Variants in DNAI3 observed in about 807,000 individuals in gnomAD.
DNAI3 encodes dynein axonemal intermediate chain 3, also known as WD repeat domain 63.
In DNAI3, 83 loss-of-function variants were observed where a neutral mutation model predicts 115.5. That is an observed-to-expected ratio of 0.72 (90% CI 0.60 to 0.86). The LOEUF (loss-of-function observed/expected upper bound fraction) is 0.86, where lower values mean the gene tolerates loss of function less well. Ranked by LOEUF, DNAI3 falls within the 40% of genes least tolerant of loss-of-function variation. The probability of loss-of-function intolerance (pLI) is 0.00; values close to 1 mark genes in which losing one functional copy is unlikely to be tolerated. For synonymous variants in DNAI3, 320 were observed against 347.0 expected, an observed-to-expected ratio of 0.92 and a Z score of 0.86; for missense variants, 1,004 against 1,075.8, an observed-to-expected ratio of 0.93 and a Z score of 0.93.
At chr1:85,112,984 G>T (rs988712263) in intron 16 of DNAI3, among the ~76,000 whole-genome samples, 4 of 152,158 alleles carry the variant, frequency 2.6e-5, no homozygotes, top group Non-Finnish European at 4.4e-5. Flanking sequence ...GGCCAGGCTG[G>T]TCTCGAACTC....
chr1:85,070,573 A>T (rs1430178993), intron 1 of DNAI3, among the ~76,000 whole-genome samples: 3 of 152,150 alleles, frequency 2.0e-5, no homozygotes, highest in Admixed American at 6.5e-5. Flanking sequence ...TACAGTAGGA[A>T]AATTATAGTT....
chr1:85,085,338 A>C (rs1654766301), intron 6 of DNAI3, among the ~76,000 whole-genome samples: 1 of 152,186 alleles, frequency 6.6e-6, no homozygotes, highest in African/African-American at 2.4e-5. Flanking sequence ...TCCCTCTCAA[A>C]GGAACTCCTG....
At chr1:85,105,219 G>C (rs1380161329) in intron 14 of DNAI3, among the ~76,000 whole-genome samples, 1 of 152,128 alleles carries the variant, frequency 6.6e-6, no homozygotes, top group Non-Finnish European at 1.5e-5. Context: ...GCAGAAGAAG[G>C]CACAAGTGAT....
chr1:85,097,651 T>C lies in DNAI3; in HGVS notation c.1346T>C (p.Leu449Pro). The part of the protein sequence containing the change: ...AGGSRSKRAT[L>P]KPMFLLEPES... ...GGTAGTAGAAGTAAAAGAGCCACAC[T>C]GAAGGTAAGCTTTTTACAACATTTC... The change falls in exon 12 of 23, where the codon CTG (leucine) becomes CCG (proline). Residue 449 changes from leucine (L) to proline (P), a missense_variant. Physicochemically the swap from Leu to Pro is moderately conservative, Grantham distance 98. This residue lies in a region of DNAI3 where 550 missense variants were observed against 568.1 expected (regional missense o/e 0.97). Coordinates refer to ENST00000294664, the MANE Select transcript of DNAI3 (RefSeq NM_145172.5). The C allele has an allele frequency of 6.2e-7, 1 of 1,610,078 alleles. No individual in the cohort carries two copies. Among genetic ancestry groups the C allele is most frequent in the South Asian group, 1.1e-5 (1 of 90,034 alleles).
chr1:85,114,015 C>CTTTT (rs58178754), intron 16 of DNAI3, among the ~76,000 whole-genome samples: 1 of 117,670 alleles, frequency 8.5e-6, no homozygotes, highest in African/African-American at 3.2e-5. Context: ...CAATTTGTAT[C>CTTTT]TTTTTTTTTT....
chr1:85,108,801 C>T (rs1655571156), intron 15 of DNAI3, among the ~76,000 whole-genome samples: 1 of 152,050 alleles, frequency 6.6e-6, no homozygotes, highest in Non-Finnish European at 1.5e-5. Flanking sequence ...TATTTTGATG[C>T]CTCTTTAGAT....
intron 10 of DNAI3, among the ~76,000 whole-genome samples, chr1:85,094,851 T>C (rs768188021): frequency 1.4e-4 from 22 of 152,322 alleles, no homozygotes; most frequent in East Asian, 3.9e-4. Context: ...ATTGGTCAAA[T>C]GCAAATAGAT....
chr1:85,129,960 C>A (rs1403602486), intron 21 of DNAI3, 30 bp from the exon 22 acceptor site: 1 of 1,594,020 alleles, frequency 6.3e-7, no homozygotes, highest in South Asian at 1.2e-5. Flanking sequence ...TCCTGCCTGT[C>A]ACCCTCTCAT....
chr1:85,066,742 A>G (rs1046486346), intron 1 of DNAI3, among the ~76,000 whole-genome samples: 1 of 152,228 alleles, frequency 6.6e-6, no homozygotes, highest in African/African-American at 2.4e-5. Flanking sequence ...AAATTTTTTC[A>G]TAAGCTTTTA....
intron 3 of DNAI3, among the ~76,000 whole-genome samples, chr1:85,080,046 C>CTTTTTTT (rs35938324): frequency 2.3e-3 from 158 of 68,416 alleles, no homozygotes; most frequent in South Asian, 2.7e-3. Flanking sequence ...TTTTCTTTTT[C>CTTTTTTT]TTTTTTTTTT....
chr1:85,085,990 G>A lies in DNAI3; in HGVS notation c.700G>A (p.Val234Ile). The A allele has an allele frequency of 6.2e-7, 1 of 1,614,122 alleles. No individual in the cohort carries two copies. Among genetic ancestry groups the A allele is most frequent in the Non-Finnish European group, 8.5e-7 (1 of 1,180,008 alleles). Residue 234 changes from valine (V) to isoleucine (I), a missense_variant, in exon 7 of 23, where the codon GTA becomes ATA. Physicochemically the swap from Val to Ile is conservative, Grantham distance 29 (BLOSUM62 3). This residue lies in a region of DNAI3 where 550 missense variants were observed against 568.1 expected (regional missense o/e 0.97). Coordinates refer to ENST00000294664, the MANE Select transcript of DNAI3 (RefSeq NM_145172.5). ...KQLEKDVGMQ[V>I]IPQIKDISTQ... is the part of the protein sequence containing the mutation. Reference sequence around the variant, plus strand: ...ACTTGAAAAAGATGTTGGCATGCAAGTAATCCCCCAAATAAAGGACATAAG... The same window carrying A: ...ACTTGAAAAAGATGTTGGCATGCAAATAATCCCCCAAATAAAGGACATAAG...
At chr1:85,114,418 T>C (rs1379973269) in intron 16 of DNAI3, among the ~76,000 whole-genome samples, 1 of 152,248 alleles carries the variant, frequency 6.6e-6, no homozygotes, top group Non-Finnish European at 1.5e-5. Context: ...ATATAGATAA[T>C]AATGTCATTT....
chr1:85,093,549 A>G lies in DNAI3; in HGVS notation c.949A>G (p.Lys317Glu), dbSNP rs1450461983. 1 of 1,614,216 alleles carries G rather than the reference A, an allele frequency of 6.2e-7. No homozygotes were observed. Among genetic ancestry groups the G allele is most frequent in the Admixed American group, 1.7e-5 (1 of 60,024 alleles). The change falls in exon 9 of 23, where the codon AAG (lysine) becomes GAG (glutamate). Residue 317 changes from lysine to glutamate, a missense_variant. Around this residue, in one of 3 missense-constraint regions of DNAI3, gnomAD observed 550 missense variants for 568.1 expected, o/e 0.97. Transcript: ENST00000294664. ...AGAAGAAGAAGGCACCTTTGGGGAC[A>G]AGACCGATACCCACCTGAAAGAGTA... is the stretch of plus-strand genomic sequence containing the variant. ...LAEEEGTFGD[K>E]TDTHLKEYQS... is the part of the protein sequence containing the mutation.
chr1:85,118,304 A>G (rs919872938), intron 17 of DNAI3, among the ~76,000 whole-genome samples: 3 of 152,238 alleles, frequency 2.0e-5, no homozygotes, highest in Non-Finnish European at 4.4e-5. Flanking sequence ...GACATACTGT[A>G]ATAATAACCA....
At chr1:85,109,894 A>G (rs531376685) in intron 15 of DNAI3, among the ~76,000 whole-genome samples, 154 bp from the exon 16 acceptor site, 2 of 152,226 alleles carry the variant, frequency 1.3e-5, no homozygotes, top group South Asian at 4.2e-4. Flanking sequence ...CATGGAGGAA[A>G]GAAACTAGAA....
intron 16 of DNAI3, among the ~76,000 whole-genome samples, chr1:85,113,514 A>G (rs893223880): frequency 6.6e-6 from 1 of 152,206 alleles, no homozygotes; most frequent in East Asian, 1.9e-4. Flanking sequence ...ACACTTGTCC[A>G]TATATATGTG....
intron 13 of DNAI3, among the ~76,000 whole-genome samples, 153 bp downstream of exon 13, chr1:85,098,811 C>T (rs1156233260): frequency 6.6e-6 from 1 of 152,244 alleles, no homozygotes; most frequent in Non-Finnish European, 1.5e-5. Flanking sequence ...TGTTGCCAGA[C>T]CAGTATCTGA....
intron 6 of DNAI3, among the ~76,000 whole-genome samples, chr1:85,085,254 A>G (rs1464612621): frequency 2.6e-5 from 4 of 152,236 alleles, no homozygotes; most frequent in African/African-American, 9.6e-5. Context: ...TAAGAGAATA[A>G]GTTTCTGTTG....
chr1:85,081,129 A>G, intron 3 of DNAI3, 105 bp from the exon 4 acceptor site: 1 of 935,656 alleles, frequency 1.1e-6, no homozygotes, highest in South Asian at 2.3e-5. Context: ...TAAAGTCTTA[A>G]AATTTAACCA....
Sources: gnomAD v4.1 joint callset for allele counts (sites outside exome capture counted in the v4.1 genomes callset) on GRCh38, gnomAD v4.1.1 for gene constraint, gnomAD v4.1.1 regional missense constraint, MANE v1.5 for transcripts, NCBI Gene and HGNC (gene_info 2026-07-23, HGNC 2026-07-21) for gene names.